The following PACRG variants were observed in gnomAD, a reference collection of about 807,000 sequenced individuals.
PACRG encodes parkin coregulated gene protein.
Under a neutral mutation model 29.7 loss-of-function variants are expected in PACRG, and 29 were observed. That is an observed-to-expected ratio of 0.98 (90% CI 0.73 to 1.33). The LOEUF is 1.33. Ranked by LOEUF, PACRG falls within the 40% of genes most tolerant of loss-of-function variation. The probability of loss-of-function intolerance (pLI) is 0.00; values close to 1 mark genes in which losing one functional copy is unlikely to be tolerated. For synonymous variants in PACRG, 116 were observed against 118.7 expected, an observed-to-expected ratio of 0.98 and a Z score of 0.15; for missense variants, 279 against 316.2, an observed-to-expected ratio of 0.88 and a Z score of 0.89.
At chr6:163,186,017 A>T (rs972229215) in intron 4 of PACRG, among the ~76,000 whole-genome samples, 11 of 152,088 alleles carry the variant, frequency 7.2e-5, no homozygotes, top group African/African-American at 2.4e-4. Context: ...GGTCCAGCCT[A>T]TATGTCACAG....
At chr6:162,730,277 C>G (rs1481250774) in intron 1 of PACRG, among the ~76,000 whole-genome samples, 1 of 152,098 alleles carries the variant, frequency 6.6e-6, no homozygotes, top group Non-Finnish European at 1.5e-5. Context: ...ATTTACATTT[C>G]ACCATTTTTA....
At chr6:163,081,977 T>C (rs1288446015) in intron 3 of PACRG, among the ~76,000 whole-genome samples, 1 of 152,192 alleles carries the variant, frequency 6.6e-6, no homozygotes, top group African/African-American at 2.4e-5. Flanking sequence ...AACAATATTT[T>C]TGGTAATATC....
chr6:163,285,033 C>T (rs554727708), intron 4 of PACRG, among the ~76,000 whole-genome samples: 183 of 152,240 alleles, frequency 1.2e-3, no homozygotes, highest in African/African-American at 4.2e-3. Flanking sequence ...ACAGCAGCCT[C>T]GACTCAAAAT....
chr6:163,248,122 G>C (rs1782761170), intron 4 of PACRG, among the ~76,000 whole-genome samples: 1 of 152,200 alleles, frequency 6.6e-6, no homozygotes. Context: ...ATTTTGCAAA[G>C]GGCAAATAGA....
intron 4 of PACRG, among the ~76,000 whole-genome samples, chr6:163,261,107 C>A (rs1032167883): frequency 6.6e-6 from 1 of 152,024 alleles, no homozygotes; most frequent in Non-Finnish European, 1.5e-5. Flanking sequence ...AGTGCTAGTC[C>A]CATCGGGAGA....
chr6:162,908,237 A>G (rs562097678), intron 2 of PACRG, among the ~76,000 whole-genome samples: 14 of 152,362 alleles, frequency 9.2e-5, no homozygotes, highest in African/African-American at 3.4e-4. Flanking sequence ...TTGAAACTCA[A>G]ACTTCAGCCA....
In PACRG at chr6:162,785,215, A is replaced by G. The variant is rs535746903; in HGVS notation, c.157-28932A>G. Among the ~76,000 whole-genome samples, 9 of 151,562 alleles carry G rather than the reference A, an allele frequency of 5.9e-5. No homozygotes were observed. The South Asian group carries it at 1.7e-3, about 28-fold the overall frequency. On this transcript the variant is annotated intron_variant, in intron 1 of 4. Transcript: ENST00000366888. ...GAGAGAGAGAGAGGGAGAGAAAGGC[A>G]GGTGCATGAGGGCAAGGAAGCAATG... is the stretch of plus-strand genomic sequence containing the variant.
chr6:162,742,895 G>A (rs1278793661), intron 1 of PACRG, among the ~76,000 whole-genome samples: 2 of 151,998 alleles, frequency 1.3e-5, no homozygotes, highest in Non-Finnish European at 2.9e-5. Context: ...GAAGAAAAGT[G>A]GAATTGCTGG....
intron 2 of PACRG, chr6:162,957,390 A>G: frequency 1.7e-6 from 1 of 604,660 alleles, no homozygotes; most frequent in Non-Finnish European, 2.9e-6. Flanking sequence ...ACAATCTCAT[A>G]AGAACTTTAG....
chr6:163,178,665 C>T (rs1779505001), intron 4 of PACRG, among the ~76,000 whole-genome samples: 1 of 152,174 alleles, frequency 6.6e-6, no homozygotes, highest in South Asian at 2.1e-4. Flanking sequence ...TACATGCGGC[C>T]AAACTTAATC....
chr6:162,912,572 C>CTTTTT (rs745997012), intron 2 of PACRG, among the ~76,000 whole-genome samples: 1 of 137,082 alleles, frequency 7.3e-6, no homozygotes, highest in African/African-American at 2.7e-5. Flanking sequence ...ATATTATATT[C>CTTTTT]TTTTTTTTTT....
At chr6:162,967,509 C>CTT (rs796970466) in intron 2 of PACRG, among the ~76,000 whole-genome samples, 18 of 143,108 alleles carry the variant, frequency 1.3e-4, no homozygotes, top group Admixed American at 5.6e-4. Flanking sequence ...TGAACTTTCT[C>CTT]TTTTTTTTTT....
chr6:163,119,269 C>T (rs1057409491), intron 4 of PACRG, among the ~76,000 whole-genome samples: 7 of 152,344 alleles, frequency 4.6e-5, no homozygotes, highest in South Asian at 4.1e-4. Context: ...TATGCGAGCA[C>T]GCTGCCTAAC....
In PACRG at chr6:162,857,889, A is replaced by C. The variant is rs542216723; in HGVS notation, c.291+43608A>C. Among the ~76,000 whole-genome samples the C allele has an allele frequency of 5.6e-4, 85 of 152,314 alleles. 2 individuals are homozygous for C. The highest frequency in any genetic ancestry group is 3.4e-3 in the Middle Eastern group (1 of 294). On this transcript the variant is annotated intron_variant, in intron 2 of 4. Transcript: ENST00000366888. ...GTTTCAAAGGCTTCTTAATTCTGCC[A>C]ATCATGTTGCAACCTGCTTTTAATG... is the stretch of plus-strand genomic sequence containing the variant.
intron 2 of PACRG, among the ~76,000 whole-genome samples, chr6:162,950,736 C>A (rs1014861532): frequency 6.6e-6 from 1 of 151,928 alleles, no homozygotes; most frequent in African/African-American, 2.4e-5. Context: ...TTCCTGAATT[C>A]AATACAAACT....
At chr6:163,200,505 A>T (rs118003263) in intron 4 of PACRG, among the ~76,000 whole-genome samples, 264 of 152,290 alleles carry the variant, frequency 1.7e-3, no homozygotes, top group Middle Eastern at 3.4e-3. Flanking sequence ...CGTGTCGCAT[A>T]CTTCCCAGTT....
rs559333540 is a variant in PACRG, at chr6:163,038,899, TTG to T, written c.292-23245_292-23244del. Among the ~76,000 whole-genome samples the T allele has an allele frequency of 1.3e-3, 193 of 152,242 alleles. 1 individual carries two copies. The highest frequency in any genetic ancestry group is 3.7e-3 in the African/African-American group (153 of 41,568). ...ACTTTAGGTTTACAATTCCATAAAATTGTGTGTTTCAGGTGCCTGTTATACTA... is the reference window on the plus strand; with the variant it reads ...ACTTTAGGTTTACAATTCCATAAAATTGTGTTTCAGGTGCCTGTTATACTA... On this transcript the variant is annotated intron_variant, in intron 2 of 4. Transcript: ENST00000366888.
intron 2 of PACRG, among the ~76,000 whole-genome samples, chr6:163,060,619 G>T (rs1811013128): frequency 6.6e-6 from 1 of 152,124 alleles, no homozygotes; most frequent in South Asian, 2.1e-4. Flanking sequence ...TTACTTCCTT[G>T]ATTGGCTGGA....
intron 2 of PACRG, among the ~76,000 whole-genome samples, chr6:162,957,774 T>C (rs963928110): frequency 5.9e-5 from 9 of 152,066 alleles, no homozygotes; most frequent in Non-Finnish European, 2.9e-5. Flanking sequence ...AGTTAGGAAA[T>C]CTAACTTGAA....
Sources: gnomAD v4.1 joint callset for allele counts (sites outside exome capture counted in the v4.1 genomes callset) on GRCh38, gnomAD v4.1.1 for gene constraint, MANE v1.5 for transcripts, NCBI Gene and HGNC (gene_info 2026-07-23, HGNC 2026-07-21) for gene names.